ZNF467: variants seen among roughly 807,000 people sequenced by gnomAD.
The protein encoded by ZNF467 is zinc finger protein 467.
ZNF467 carries 51 observed loss-of-function variants against 47.8 expected under a neutral mutation model. The observed-to-expected ratio is 1.07, with a 90% CI of 0.85 to 1.35. The LOEUF (loss-of-function observed/expected upper bound fraction) is 1.35. ZNF467 is among the 40% of genes most tolerant of loss of function. The pLI is 0.00. For missense variants in ZNF467, 992 were observed against 858.1 expected, an observed-to-expected ratio of 1.16 and a Z score of -1.95; for synonymous variants, 416 against 372.9, an observed-to-expected ratio of 1.12 and a Z score of -1.33.
chr7:149,776,447 T>G, upstream of ZNF467: 1 of 1,348,178 alleles, frequency 7.4e-7, no homozygotes, highest in Non-Finnish European at 9.9e-7. Context: ...TACAGCCGCC[T>G]GGGCTGGCGG....
rs1234385474 is a variant in ZNF467, at chr7:149,766,014, C to A, written c.488G>T (p.Gly163Val). ...GPMPEKPYGC[G>V]ECERRFRDQL... is the part of the protein sequence containing the mutation. ...GTCCCGGAAGCGCCGCTCACACTCC[C>A]CGCAGCCGTAGGGCTTCTCCGGCAT... Residue 163 changes from glycine (G) to valine (V), a missense_variant, in exon 5 of 5, where the codon GGG becomes GTG. Physicochemically the swap from Gly to Val is moderately radical, Grantham distance 109. Transcript: ENST00000302017. 2 of 1,573,098 alleles carry A rather than the reference C, an allele frequency of 1.3e-6. No homozygotes were observed. Among genetic ancestry groups the A allele is most frequent in the East Asian group, 4.7e-5 (2 of 42,512 alleles).
intron 1 of ZNF467, 57 bp from the exon 2 acceptor site, chr7:149,771,131 C>T (rs1377668549): frequency 6.8e-7 from 1 of 1,473,356 alleles, no homozygotes. Context: ...CCACCTGGGC[C>T]CTGGCTCTGC....
chr7:149,765,507 G>T lies in ZNF467; in HGVS notation c.995C>A (p.Pro332His). 6.3e-7 allele frequency: 1 copy of T among 1,582,476 alleles called. No homozygotes were observed. Among genetic ancestry groups the T allele is most frequent in the East Asian group, 2.3e-5 (1 of 43,746 alleles). ...HQTAGPARPS[P>H]DSSASPHSTA... Reference sequence around the variant, plus strand: ...GGAATGAGGAGAAGCGGACGAGTCGGGAGAGGGCCTGGCCGGGCCGGCCGT... The same window carrying T: ...GGAATGAGGAGAAGCGGACGAGTCGTGAGAGGGCCTGGCCGGGCCGGCCGT... Residue 332 changes from proline to histidine, a missense_variant, in exon 5 of 5, where the codon CCC becomes CAC. Pro to His is a moderately conservative substitution (Grantham distance 77, BLOSUM62 -2). Transcript: ENST00000302017.
In ZNF467 at chr7:149,764,833, G is replaced by A. The variant is rs1483190713; in HGVS notation, c.1669C>T (p.His557Tyr). The A allele has an allele frequency of 1.3e-6, 2 of 1,544,850 alleles. No individual in the cohort carries two copies. Among genetic ancestry groups the A allele is most frequent in the Admixed American group, 2.0e-5 (1 of 49,182 alleles). ...QCGKSFSRKT[H>Y]LVRHQLIHGE... Reference sequence around the variant, plus strand: ...TGAATGAGCTGGTGCCGCACCAGGTGGGTCTTGCGGCTGAAGCTCTTTCCG... The same window carrying A: ...TGAATGAGCTGGTGCCGCACCAGGTAGGTCTTGCGGCTGAAGCTCTTTCCG... The change falls in exon 5 of 5, where the codon CAC becomes TAC. Residue 557 changes from histidine (H) to tyrosine (Y), a missense_variant. By Grantham distance (83) the His-to-Tyr change is moderately conservative. Transcript: ENST00000302017.
chr7:149,764,867 G>T lies in ZNF467; in HGVS notation c.1635C>A (p.Cys545Ter), dbSNP rs766245282. 1.3e-6 allele frequency: 2 copies of T among 1,556,046 alleles called. No individual in the cohort carries two copies. Among genetic ancestry groups the T allele is most frequent in the East Asian group, 2.3e-5 (1 of 43,936 alleles). The change falls in exon 5 of 5, where the codon TGC (cysteine) becomes TGA (stop). Residue 545 changes from cysteine to a stop codon, truncating the protein, a stop_gained. Coordinates refer to ENST00000302017, the MANE Select transcript of ZNF467 (RefSeq NM_207336.3). LOFTEE classifies it high-confidence loss of function. ...AIHTGSRPFSCPQCGKSFSRK... is the reference protein window; with the variant it reads ...AIHTGSRPFS ...GGCTGAAGCTCTTTCCGCACTGCGG[G>T]CAGGAGAAGGGGCGGGAGCCTGTGT... is the stretch of plus-strand genomic sequence containing the variant.
At position 149,765,791 on chromosome 7, in the gene ZNF467, C is replaced by T. The variant is rs1436500883; in HGVS notation, c.711G>A (p.Thr237=). ...ACGGGTAGGGCCGCTCGCCCGTGTG[C>T]GTGCGCAGGTGGCGGGTCAGATGGG... The part of the protein sequence containing the change: ...KKAHLTRHLR[T]HTGERPYPCA... Residue 237 remains threonine, a synonymous_variant, in exon 5 of 5, where the codon ACG becomes ACA. Coordinates refer to ENST00000302017, the MANE Select transcript of ZNF467 (RefSeq NM_207336.3). 3.7e-6 allele frequency: 6 copies of T among 1,611,040 alleles called. No homozygotes were observed. The Admixed American group carries it at 6.7e-5, about 18-fold the overall frequency.
intron 4 of ZNF467, among the ~76,000 whole-genome samples, chr7:149,768,327 C>T (rs892460799): frequency 6.6e-6 from 1 of 152,210 alleles, no homozygotes; most frequent in Non-Finnish European, 1.5e-5. Flanking sequence ...ACTGCTGCCA[C>T]TTCTCGAGGA....
chr7:149,769,340 T>C lies in ZNF467; in HGVS notation c.152-140A>G. The C allele has an allele frequency of 1.4e-6, 1 of 737,044 alleles. No individual in the cohort carries two copies. Among genetic ancestry groups the C allele is most frequent in the Non-Finnish European group, 2.1e-6 (1 of 465,538 alleles). 45.7% of individuals were successfully genotyped at this position (737,044 alleles called of 1,614,324 possible). ...GGTTCCTCCCACATCCTACCTGAAT[T>C]AAGGGGCTGAGTTCCCAGCTTCCCT... is the stretch of plus-strand genomic sequence containing the variant. On this transcript the variant is annotated intron_variant, in intron 3 of 4. Transcript: ENST00000302017. The surrounding 1 kb of genome is among the most constrained non-coding windows in gnomAD (Gnocchi z 5.3).
At chr7:149,775,972 T>G, upstream of ZNF467, 1 of 1,229,684 alleles carries the variant, frequency 8.1e-7, no homozygotes, top group Non-Finnish European at 1.1e-6. Context: ...CTCTCTGCCC[T>G]CTCTGCAGCA....
Position 149,769,319 on chromosome 7 carries a change from C to A in ZNF467, c.152-119G>T. ...TGGCTCCAGCAGGGCCCACAGGGTTCCTCCCACATCCTACCTGAATTAAGG... is the reference window on the plus strand; with the variant it reads ...TGGCTCCAGCAGGGCCCACAGGGTTACTCCCACATCCTACCTGAATTAAGG... On this transcript the variant is annotated intron_variant, in intron 3 of 4. Coordinates refer to ENST00000302017, the MANE Select transcript of ZNF467 (RefSeq NM_207336.3). This position sits in a 1 kb window ranked among gnomAD's most constrained non-coding sequence, Gnocchi z 5.3. The A allele has an allele frequency of 1.2e-6, 1 of 840,460 alleles. No individual in the cohort carries two copies. The highest frequency in any genetic ancestry group is 2.8e-5 in the East Asian group (1 of 36,282). The allele number at this position is 840,460 out of a possible 1,614,324, so 52.1% of individuals were successfully genotyped here. A position where few individuals can be genotyped will look rare whatever the true frequency, so the allele number is the denominator to read the frequency against.
Position 149,773,480 on chromosome 7 carries a change from A to G in ZNF467, c.-415T>C, listed in dbSNP as rs1335895011. The G allele has an allele frequency of 3.4e-5, 1 of 29,750 alleles. No individual in the cohort carries two copies. The highest frequency in any genetic ancestry group is 6.0e-5 in the Non-Finnish European group (1 of 16,736). The allele number at this position is 29,750 out of a possible 1,614,324, so 1.8% of individuals were successfully genotyped here. A position where few individuals can be genotyped will look rare whatever the true frequency, so the allele number is the denominator to read the frequency against. The stretch of plus-strand genomic sequence containing the variant: ...GGAGTAGGTGTGGAAGTGGGAGCTC[A>G]GGACGGGGGAGGGGAGGGGAGGGGA... On this transcript the variant is annotated 5_prime_UTR_variant, in exon 1 of 5. Coordinates refer to ENST00000302017, the MANE Select transcript of ZNF467 (RefSeq NM_207336.3).
Position 149,764,303 on chromosome 7 carries a change from G to GCC in ZNF467, c.*410_*411insGG. On this transcript the variant is annotated 3_prime_UTR_variant, in exon 5 of 5. Transcript: ENST00000302017. ...GGTGGTCTGTGTGTGGATGGAGGTGGGACAGTGGCTAAGGAGAGTCAGGTG... is the reference window on the plus strand; with the variant it reads ...GGTGGTCTGTGTGTGGATGGAGGTGGCCGACAGTGGCTAAGGAGAGTCAGGTG... 2.0e-6 allele frequency: 1 copy of GCC among 505,028 alleles called. No individual in the cohort carries two copies. The highest frequency in any genetic ancestry group is 3.5e-6 in the Non-Finnish European group (1 of 287,844). The allele number at this position is 505,028 out of a possible 1,614,324, so 31.3% of individuals were successfully genotyped here.
chr7:149,768,981 T>A, intron 4 of ZNF467, 109 bp downstream of exon 4: 1 of 952,358 alleles, frequency 1.1e-6, no homozygotes. Flanking sequence ...GGGCCTGGAC[T>A]GCCTGTCTTG....
Position 149,765,513 on chromosome 7 carries a change from G to C in ZNF467, c.989C>G (p.Pro330Arg). 1 of 1,579,364 alleles carries C rather than the reference G, an allele frequency of 6.3e-7. No homozygotes were observed. Among genetic ancestry groups the C allele is most frequent in the Non-Finnish European group, 8.6e-7 (1 of 1,163,164 alleles). ...RVHQTAGPAR[P>R]SPDSSASPHS... ...AGGAGAAGCGGACGAGTCGGGAGAG[G>C]GCCTGGCCGGGCCGGCCGTCTGGTG... The change falls in exon 5 of 5, where the codon CCC (proline) becomes CGC (arginine). Residue 330 changes from proline (P) to arginine (R), a missense_variant. Coordinates refer to ENST00000302017, the MANE Select transcript of ZNF467 (RefSeq NM_207336.3).
chr7:149,768,796 TG>T (rs1799297665), intron 4 of ZNF467, among the ~76,000 whole-genome samples: 1 of 152,182 alleles, frequency 6.6e-6, no homozygotes, highest in South Asian at 2.1e-4. Flanking sequence ...AGACTTAGAC[TG>T]GGAGAAATAA....
In ZNF467 at chr7:149,765,602, G is replaced by GT. The variant is rs1182760785; in HGVS notation, c.899dup (p.Tyr300Ter). 1 of 1,602,346 alleles carries GT rather than the reference G, an allele frequency of 6.2e-7. No individual in the cohort carries two copies. The highest frequency in any genetic ancestry group is 8.5e-7 in the Non-Finnish European group (1 of 1,174,682). ...HQRIHTGERP[Y>*]QCAQCARSFT... ...AGCTGCGTGCGCACTGTGCGCACTG[G>GT]TAGGGCCTCTCGCCCGTATGGATGC... The change falls in exon 5 of 5, where the codon TAC becomes TAAC. Residue 300 changes from tyrosine (Y) to a stop codon, truncating the protein, a stop_gained and frameshift_variant. Transcript: ENST00000302017. LOFTEE classifies it high-confidence loss of function.
upstream of ZNF467, chr7:149,776,090 G>A (rs372567772): frequency 4.4e-6 from 6 of 1,364,342 alleles, no homozygotes; most frequent in African/African-American, 3.0e-5. Flanking sequence ...CCTGGCTGAC[G>A]GGTAAGCAGC....
At position 149,765,525 on chromosome 7, in the gene ZNF467, C is replaced by A; in HGVS notation, c.977G>T (p.Gly326Val). 1.3e-6 allele frequency: 2 copies of A among 1,578,424 alleles called. No homozygotes were observed. The highest frequency in any genetic ancestry group is 1.7e-6 in the Non-Finnish European group (2 of 1,162,528). ...VRHQRVHQTA[G>V]PARPSPDSSA... ...CGAGTCGGGAGAGGGCCTGGCCGGG[C>A]CGGCCGTCTGGTGCACCCTTTGGTG... is the stretch of plus-strand genomic sequence containing the variant. Residue 326 changes from glycine to valine, a missense_variant, in exon 5 of 5, where the codon GGC becomes GTC. Transcript: ENST00000302017.
chr7:149,769,223 A>C lies in ZNF467; in HGVS notation c.152-23T>G. On this transcript the variant is annotated intron_variant, in intron 3 of 4. Coordinates refer to ENST00000302017, the MANE Select transcript of ZNF467 (RefSeq NM_207336.3). This position sits in a 1 kb window ranked among gnomAD's most constrained non-coding sequence, Gnocchi z 5.3. The stretch of plus-strand genomic sequence containing the variant: ...GCCCTGGCAGAGAATAGGATACCTC[A>C]AGGACTCTGGAGACATCACAGATGG... The C allele has an allele frequency of 1.2e-4, 181 of 1,539,282 alleles. No homozygotes were observed. The highest frequency in any genetic ancestry group is 1.5e-4 in the Non-Finnish European group (170 of 1,139,580).
Sources: gnomAD v4.1 joint callset for allele counts (sites outside exome capture counted in the v4.1 genomes callset) on GRCh38, gnomAD v4.1.1 for gene constraint, Gnocchi (gnomAD v3.1) non-coding constraint, MANE v1.5 for transcripts, NCBI Gene and HGNC (gene_info 2026-07-23, HGNC 2026-07-21) for gene names.